The following RNF169 variants were observed in gnomAD, a reference collection of about 807,000 sequenced individuals.
RNF169 encodes the protein ring finger protein 169, also known as E3 ubiquitin-protein ligase RNF169.
In RNF169, 24 loss-of-function variants were observed where a neutral mutation model predicts 53.9. That is an observed-to-expected ratio of 0.45 (90% CI 0.32 to 0.63). The LOEUF (loss-of-function observed/expected upper bound fraction) is 0.63. RNF169 is among the 20% of genes least tolerant of loss of function. The pLI is 0.04. For missense variants in RNF169, 883 were observed against 906.2 expected (o/e 0.97, Z 0.33); for synonymous variants, 396 against 363.5 (o/e 1.09, Z -1.02).
At chr11:74,763,057 A>G (rs2035113613) in intron 1 of RNF169, among the ~76,000 whole-genome samples, 1 of 152,224 alleles carries the variant, frequency 6.6e-6, no homozygotes, top group Admixed American at 6.5e-5. Context: ...CAAGGAGACG[A>G]CAAGAAATCT....
chr11:74,753,084 T>TC (rs1437626196), intron 1 of RNF169, among the ~76,000 whole-genome samples: 18 of 152,204 alleles, frequency 1.2e-4, no homozygotes, highest in African/African-American at 4.3e-4. Flanking sequence ...TTCTCCTGTC[T>TC]CCATCTCCCG....
At position 74,755,601 on chromosome 11, in the gene RNF169, G is replaced by A. The variant is rs187325618; in HGVS notation, c.502+6219G>A. 7.9e-4 allele frequency among the ~76,000 whole-genome samples: 121 copies of A among 152,368 alleles called. 2 individuals are homozygous for A. The highest frequency in any genetic ancestry group is 2.8e-3 in the African/African-American group (115 of 41,590). On this transcript the variant is annotated intron_variant, in intron 1 of 5. Transcript: ENST00000299563. ...CTCAAATAACAATACAACGTGTTAA[G>A]TGAGGTAAACAGACAATGCTAACAG...
intron 4 of RNF169, among the ~76,000 whole-genome samples, chr11:74,826,558 A>G (rs1235043293): frequency 1.3e-5 from 2 of 152,178 alleles, no homozygotes. Context: ...AACACAATCA[A>G]GCCTTTCCAA....
intron 4 of RNF169, among the ~76,000 whole-genome samples, chr11:74,832,762 C>G (rs1469232524): frequency 6.6e-6 from 1 of 152,218 alleles, no homozygotes; most frequent in African/African-American, 2.4e-5. Context: ...TCTCTCTCAA[C>G]AATGCTGTCT....
chr11:74,801,379 T>G (rs1191719927), intron 2 of RNF169, among the ~76,000 whole-genome samples: 1 of 152,314 alleles, frequency 6.6e-6, no homozygotes, highest in South Asian at 2.1e-4. Flanking sequence ...ATAGAAGCCG[T>G]AGCTGTTAGT....
At chr11:74,774,480 A>C (rs1277014305) in intron 1 of RNF169, among the ~76,000 whole-genome samples, 1 of 151,290 alleles carries the variant, frequency 6.6e-6, no homozygotes, top group Non-Finnish European at 1.5e-5. Flanking sequence ...TTTTAGGCTA[A>C]GTAAAGATTC....
chr11:74,830,221 A>G (rs577806998), intron 4 of RNF169, among the ~76,000 whole-genome samples: 1 of 152,184 alleles, frequency 6.6e-6, no homozygotes, highest in African/African-American at 2.4e-5. Flanking sequence ...AAACAGTAGA[A>G]TGAATGAAAC....
intron 1 of RNF169, among the ~76,000 whole-genome samples, chr11:74,776,511 CAAAAAAA>C (rs766527055): frequency 2.4e-4 from 20 of 82,014 alleles, no homozygotes; most frequent in Middle Eastern, 7.6e-3. Context: ...TTCATTCAGC[CAAAAAAA>C]AAAAAAAAAA....
rs796085500 is a variant in RNF169 at position 74,823,115 on chromosome 11, G to A, written c.842+5401G>A. ...AACAATAATATTATCTGGGTATTAT[G>A]TTTATGTTTTATATAATATTTTTAC... On this transcript the variant is annotated intron_variant, in intron 4 of 5. Coordinates refer to ENST00000299563, the MANE Select transcript of RNF169 (RefSeq NM_001098638.2). 5.9e-5 allele frequency among the ~76,000 whole-genome samples: 9 copies of A among 152,190 alleles called. No individual in the cohort carries two copies. The South Asian group carries it at 1.9e-3, about 32-fold the overall frequency.
intron 1 of RNF169, among the ~76,000 whole-genome samples, chr11:74,764,697 G>A (rs965909627): frequency 7.2e-5 from 11 of 152,142 alleles, no homozygotes; most frequent in African/African-American, 2.7e-4. Context: ...GAAGTCAGTA[G>A]GTAGACTAAG....
chr11:74,810,371 T>C, intron 3 of RNF169, 41 bp downstream of exon 3: 1 of 1,604,718 alleles, frequency 6.2e-7, no homozygotes. Flanking sequence ...GCCTCAAAAA[T>C]CAGTGGTTAG....
intron 4 of RNF169, among the ~76,000 whole-genome samples, chr11:74,834,442 G>T (rs1027160887): frequency 3.3e-5 from 5 of 152,216 alleles, no homozygotes; most frequent in African/African-American, 1.2e-4. Context: ...TTTTGGCAGG[G>T]TCTAGTTTGG....
In RNF169 at chr11:74,838,085, T is replaced by C. The variant is rs2036284056; in HGVS notation, c.*1355T>C. ...CCCCAGCAGGATACTGCTTAGTTTT[T>C]CCAGTGCCATTGGTGAAAGCATTTC... On this transcript the variant is annotated 3_prime_UTR_variant, in exon 6 of 6. Transcript: ENST00000299563. 6.6e-6 allele frequency: 1 copy of C among 152,200 alleles called. No homozygotes were observed. The highest frequency in any genetic ancestry group is 2.4e-5 in the African/African-American group (1 of 41,452). 9.4% of individuals were successfully genotyped at this position (152,200 alleles called of 1,614,324 possible).
At position 74,802,936 on chromosome 11, in the gene RNF169, G is replaced by C. The variant is rs1031924109; in HGVS notation, c.577-7248G>C. Reference sequence around the variant, plus strand: ...CACAAGTAATTTTTTTTGGGGGGGGGTGGGGACGGAGTCTTGCTCTGTCGC... The same window carrying C: ...CACAAGTAATTTTTTTTGGGGGGGGCTGGGGACGGAGTCTTGCTCTGTCGC... On this transcript the variant is annotated intron_variant, in intron 2 of 5. Coordinates refer to ENST00000299563, the MANE Select transcript of RNF169 (RefSeq NM_001098638.2). Among the ~76,000 whole-genome samples, 5 of 148,602 alleles carry C rather than the reference G, an allele frequency of 3.4e-5. No individual in the cohort carries two copies. The South Asian group carries it at 1.1e-3, about 32-fold the overall frequency.
intron 1 of RNF169, among the ~76,000 whole-genome samples, chr11:74,789,020 T>C (rs2035544560): frequency 6.6e-6 from 1 of 152,208 alleles, no homozygotes; most frequent in African/African-American, 2.4e-5. Context: ...TTGGGCTAAG[T>C]CATTTAATCC....
intron 2 of RNF169, chr11:74,808,224 TGGA>T (rs2135114519): frequency 6.6e-6 from 1 of 152,192 alleles, no homozygotes; most frequent in East Asian, 1.9e-4. Flanking sequence ...ATAAACTATT[TGGA>T]GGCAGAAGGA....
chr11:74,835,680 C>T lies in RNF169; in HGVS notation c.1077C>T (p.Ser359=), dbSNP rs2036243698. Residue 359 remains serine, a synonymous_variant, in exon 6 of 6, where the codon TCC becomes TCT. Transcript: ENST00000299563. ...TCAGCTCCCTTTCATCCTTGGCTTC[C>T]CTGCATAAGCCAGAGCGTTCTGTCA... The part of the protein sequence containing the change: ...LPFSSLSSLA[S]LHKPERSVSP... 8.7e-6 allele frequency: 14 copies of T among 1,614,118 alleles called. No individual in the cohort carries two copies. The highest frequency in any genetic ancestry group is 1.2e-5 in the Non-Finnish European group (14 of 1,180,016).
intron 1 of RNF169, among the ~76,000 whole-genome samples, chr11:74,785,254 G>GATATAT (rs372269376): frequency 1.5e-5 from 2 of 135,708 alleles, no homozygotes; most frequent in Non-Finnish European, 3.1e-5. Flanking sequence ...ATATATGTTA[G>GATATAT]ATATATATGT....
At chr11:74,799,301 T>A (rs750838833) in intron 2 of RNF169, among the ~76,000 whole-genome samples, 1 of 152,120 alleles carries the variant, frequency 6.6e-6, no homozygotes, top group Non-Finnish European at 1.5e-5. Context: ...AAATTTTAAC[T>A]ACATGAGGGA....
Sources: allele counts gnomAD v4.1 joint callset (sites outside exome capture counted in the v4.1 genomes callset), GRCh38; gene constraint gnomAD v4.1.1; transcripts MANE v1.5; gene names NCBI Gene and HGNC (gene_info 2026-07-23, HGNC 2026-07-21).